Variants in CNOT1 observed in about 807,000 individuals in gnomAD.
The protein encoded by CNOT1 is CCR4-associated factor 1.
In CNOT1, 15 loss-of-function variants were observed where a neutral mutation model predicts 273.8. The ratio of observed to expected loss-of-function variants is 0.05; its 90% confidence interval spans 0.04 to 0.08. CNOT1 has a LOEUF of 0.08. Ranked by LOEUF, CNOT1 falls within the 10% of genes least tolerant of loss-of-function variation. The probability of loss-of-function intolerance (pLI) is 1.00; values close to 1 mark genes in which losing one functional copy is unlikely to be tolerated. For missense variants in CNOT1, 1,644 were observed against 2,912.2 expected, an observed-to-expected ratio of 0.56 and a Z score of 10.02; for synonymous variants, 1,022 against 1,005.5, an observed-to-expected ratio of 1.02 and a Z score of -0.31.
intron 2 of CNOT1, among the ~76,000 whole-genome samples, chr16:58,592,493 A>G (rs1355645857): frequency 6.6e-6 from 1 of 152,126 alleles, no homozygotes; most frequent in African/African-American, 2.4e-5. Context: ...CAGGATGATC[A>G]CTTGAGGCCA....
chr16:58,622,576 T>C lies in CNOT1; in HGVS notation c.-175+7152A>G, dbSNP rs572370383. Among the ~76,000 whole-genome samples the C allele has an allele frequency of 8.7e-4, 132 of 152,144 alleles. 1 individual carries two copies. The highest frequency in any genetic ancestry group is 1.9e-3 in the Admixed American group (29 of 15,274). On this transcript the variant is annotated intron_variant, in intron 1 of 48. Transcript: ENST00000317147. ...CTGAATATAAAGCTTAAGAATATTA[T>C]AGGCTCACGCCTATAATCCCAACAC... is the stretch of plus-strand genomic sequence containing the variant.
At chr16:58,600,371 A>G (rs1425218638) in intron 1 of CNOT1, among the ~76,000 whole-genome samples, 2 of 152,160 alleles carry the variant, frequency 1.3e-5, no homozygotes, top group East Asian at 3.8e-4. Flanking sequence ...TCATTTTAGT[A>G]AGACAACTTG....
Position 58,582,487 on chromosome 16 carries a change from T to C in CNOT1, c.1044+306A>G, listed in dbSNP as rs111657395. Among the ~76,000 whole-genome samples, 411 of 152,298 alleles carry C rather than the reference T, an allele frequency of 2.7e-3. 2 individuals carry two copies. Among genetic ancestry groups the C allele is most frequent in the African/African-American group, 9.3e-3 (387 of 41,560 alleles). On this transcript the variant is annotated intron_variant, in intron 10 of 48. Coordinates refer to ENST00000317147, the MANE Select transcript of CNOT1 (RefSeq NM_016284.5). Reference sequence around the variant, plus strand: ...TATGTCTTATTTAAGCCCTTCAATATTTTAGTAGAGGTACTTTATTTTTTA... The same window carrying C: ...TATGTCTTATTTAAGCCCTTCAATACTTTAGTAGAGGTACTTTATTTTTTA...
chr16:58,550,637 A>G (rs2040417891), intron 24 of CNOT1, among the ~76,000 whole-genome samples: 1 of 152,220 alleles, frequency 6.6e-6, no homozygotes, highest in Non-Finnish European at 1.5e-5. Flanking sequence ...GCATGGCAGA[A>G]AAAATAGTAG....
At chr16:58,545,274 A>G in intron 30 of CNOT1, 87 bp downstream of exon 30, 1 of 1,556,226 alleles carries the variant, frequency 6.4e-7, no homozygotes, top group South Asian at 1.2e-5. Flanking sequence ...TCCAGAGGGA[A>G]GGGCAAAGAG....
chr16:58,609,862 TATATATAATAATACATTAAC>T (rs1272234024), intron 1 of CNOT1, among the ~76,000 whole-genome samples: 18 of 150,104 alleles, frequency 1.2e-4, no homozygotes, highest in East Asian at 5.8e-4. Flanking sequence ...TATATCATAT[TATATATAATAATACATTAAC>T]ATATATAATA....
intron 4 of CNOT1, 112 bp from the exon 5 acceptor site, chr16:58,587,525 AGT>A (rs2041914982): frequency 7.0e-7 from 1 of 1,425,698 alleles, no homozygotes; most frequent in Non-Finnish European, 9.5e-7. Flanking sequence ...TTAATTCTGT[AGT>A]GTTACTAGAA....
At chr16:58,542,682 GTTCTGACTCTACTTATGAACAAGCTGTGA>G (rs2040128293) in intron 31 of CNOT1, 114 bp from the exon 32 acceptor site, 1 of 1,431,314 alleles carries the variant, frequency 7.0e-7, no homozygotes, top group Admixed American at 2.5e-5. Context: ...TGCATTTTAA[GTTCTGACTCTACTTATGAACAAGCTGTGA>G]TCTTGAAACA....
chr16:58,603,871 A>G (rs1277438718), intron 1 of CNOT1, among the ~76,000 whole-genome samples: 1 of 152,152 alleles, frequency 6.6e-6, no homozygotes, highest in Admixed American at 6.6e-5. Flanking sequence ...AAACTAACAC[A>G]TATCATACTT....
At chr16:58,623,654 G>A (rs931199001) in intron 1 of CNOT1, among the ~76,000 whole-genome samples, 4 of 152,066 alleles carry the variant, frequency 2.6e-5, no homozygotes, top group African/African-American at 7.2e-5. Flanking sequence ...CTTCTCCTAC[G>A]CACCTCCTCA....
intron 10 of CNOT1, among the ~76,000 whole-genome samples, chr16:58,581,957 C>T (rs1206308041): frequency 6.6e-6 from 1 of 152,076 alleles, no homozygotes; most frequent in African/African-American, 2.4e-5. Context: ...GCCTCCACAA[C>T]CGGCTTATCA....
intron 38 of CNOT1, among the ~76,000 whole-genome samples, chr16:58,537,649 C>T (rs1048298577): frequency 6.6e-6 from 1 of 152,184 alleles, no homozygotes. Flanking sequence ...ATGACCAGGG[C>T]TTAAACATAG....
chr16:58,546,847 C>A, intron 27 of CNOT1, 98 bp from the exon 28 acceptor site: 2 of 1,435,016 alleles, frequency 1.4e-6, no homozygotes, highest in Admixed American at 2.1e-5. Flanking sequence ...AGGGGGGAGT[C>A]AAACAAATAA....
rs767298139 is a variant in CNOT1, at chr16:58,520,958, C to CT, written c.7130dup (p.Ter2377=). 9 of 1,613,378 alleles carry CT rather than the reference C, an allele frequency of 5.6e-6. No individual in the cohort carries two copies. The highest frequency in any genetic ancestry group is 7.6e-6 in the Non-Finnish European group (9 of 1,180,024). Residue 2377 remains the stop codon, a frameshift_variant and stop_retained_variant, in exon 49 of 49, where the codon TAG becomes TAAG. Transcript: ENST00000317147. LOFTEE classifies it high-confidence loss of function. Reference sequence around the variant, plus strand: ...ACGTACAACAGAGATGCAGTTTCGTCTAACTGGCACCTGTCCCTTCCATTA... The same window carrying CT: ...ACGTACAACAGAGATGCAGTTTCGTCTTAACTGGCACCTGTCCCTTCCATTA... ...QQVMEGTGAS[*] is the part of the protein sequence containing the mutation.
chr16:58,618,658 A>C (rs560793945), intron 1 of CNOT1, among the ~76,000 whole-genome samples: 1 of 151,524 alleles, frequency 6.6e-6, no homozygotes, highest in Admixed American at 6.6e-5. Flanking sequence ...CTCAAAAAAA[A>C]AAAAGAAAAA....
chr16:58,596,358 C>T (rs948333015), intron 2 of CNOT1, among the ~76,000 whole-genome samples: 8 of 152,134 alleles, frequency 5.3e-5, no homozygotes, highest in East Asian at 3.8e-4. Flanking sequence ...TGCCCTGTTC[C>T]GGACACTTGC....
intron 10 of CNOT1, 95 bp downstream of exon 10, chr16:58,582,698 G>T: frequency 1.3e-6 from 1 of 751,586 alleles, no homozygotes; most frequent in Non-Finnish European, 2.3e-6. Flanking sequence ...ATTACTTTTT[G>T]AGTTAACGAA....
chr16:58,526,131 A>G lies in CNOT1; in HGVS notation c.6461T>C (p.Met2154Thr). Residue 2154 changes from methionine to threonine, a missense_variant, in exon 45 of 49, where the codon ATG (methionine) becomes ACG (threonine). Met to Thr is a moderately conservative substitution (Grantham distance 81). Coordinates refer to ENST00000317147, the MANE Select transcript of CNOT1 (RefSeq NM_016284.5). ...GGGAGCAATGTTAATTTCACTCAACATGTCCACCTGCCACAGATAAAATGC... is the reference window on the plus strand; with the variant it reads ...GGGAGCAATGTTAATTTCACTCAACGTGTCCACCTGCCACAGATAAAATGC... ...DPFTPNLKVD[M>T]LSEINIAPRI... The G allele has an allele frequency of 1.2e-6, 2 of 1,614,018 alleles. No homozygotes were observed. Among genetic ancestry groups the G allele is most frequent in the Non-Finnish European group, 1.7e-6 (2 of 1,179,946 alleles).
intron 1 of CNOT1, among the ~76,000 whole-genome samples, chr16:58,605,454 G>A (rs1335933769): frequency 6.6e-6 from 1 of 151,340 alleles, no homozygotes; most frequent in Non-Finnish European, 1.5e-5. Context: ...AGTGAGCTGA[G>A]ATTATGCCAC....
Sources: gnomAD v4.1 joint callset for allele counts (sites outside exome capture counted in the v4.1 genomes callset) on GRCh38, gnomAD v4.1.1 for gene constraint, MANE v1.5 for transcripts, NCBI Gene and HGNC (gene_info 2026-07-23, HGNC 2026-07-21) for gene names.